Variants in TNR observed in about 807,000 individuals in gnomAD.
TNR encodes the protein tenascin R.
A neutral mutation model predicts 150.4 loss-of-function variants in TNR; 45 were observed. The observed-to-expected ratio is 0.30, with a 90% confidence interval of 0.24 to 0.38. The LOEUF (loss-of-function observed/expected upper bound fraction) is 0.38. Ranked by LOEUF, TNR falls within the 10% of genes least tolerant of loss-of-function variation. The pLI, the probability that TNR is intolerant of heterozygous loss-of-function variation, is 1.00. For synonymous variants in TNR, 687 were observed against 678.4 expected (o/e 1.01, Z -0.20); for missense variants, 1,544 against 1,759.1 (o/e 0.88, Z 2.19).
intron 2 of TNR, among the ~76,000 whole-genome samples, chr1:175,468,482 G>T (rs1657129574): frequency 6.6e-6 from 1 of 152,106 alleles, no homozygotes; most frequent in Non-Finnish European, 1.5e-5. Context: ...CATGCAATAT[G>T]GCTCCTGATC....
chr1:175,421,137 T>G (rs1218253595), intron 2 of TNR, among the ~76,000 whole-genome samples: 4 of 152,158 alleles, frequency 2.6e-5, no homozygotes, highest in Non-Finnish European at 5.9e-5. Flanking sequence ...GGGTTGAGTC[T>G]GCAGCTGAGG....
chr1:175,672,956 T>C (rs776344407), intron 1 of TNR, among the ~76,000 whole-genome samples: 1 of 152,172 alleles, frequency 6.6e-6, no homozygotes, highest in Non-Finnish European at 1.5e-5. Context: ...GGAAATGCCC[T>C]GCCACAGCGC....
At chr1:175,609,323 T>C (rs1241666319) in intron 1 of TNR, among the ~76,000 whole-genome samples, 2 of 152,222 alleles carry the variant, frequency 1.3e-5, no homozygotes, top group Non-Finnish European at 2.9e-5. Flanking sequence ...CACATTAGAA[T>C]GCTTGCCTAT....
intron 1 of TNR, among the ~76,000 whole-genome samples, chr1:175,644,372 A>G (rs1011055189): frequency 6.6e-6 from 1 of 152,202 alleles, no homozygotes; most frequent in Admixed American, 6.5e-5. Context: ...TGTGAGCTAT[A>G]TTATACCGCA....
At chr1:175,717,867 G>A (rs1667194777) in intron 1 of TNR, among the ~76,000 whole-genome samples, 1 of 152,104 alleles carries the variant, frequency 6.6e-6, no homozygotes, top group Non-Finnish European at 1.5e-5. Flanking sequence ...CACACACACA[G>A]CTAATAAATT....
At chr1:175,502,323 A>T (rs764096544) in intron 2 of TNR, among the ~76,000 whole-genome samples, 1 of 152,188 alleles carries the variant, frequency 6.6e-6, no homozygotes, top group Non-Finnish European at 1.5e-5. Context: ...TGGGGCAGAC[A>T]CATTGAACCC....
At chr1:175,737,944 G>C (rs1323487546) in intron 1 of TNR, among the ~76,000 whole-genome samples, 2 of 152,204 alleles carry the variant, frequency 1.3e-5, no homozygotes, top group East Asian at 3.9e-4. Context: ...GGTGAGGGCT[G>C]CACCTCTTCC....
At chr1:175,345,554 C>T (rs1650740090) in intron 18 of TNR, among the ~76,000 whole-genome samples, 1 of 151,900 alleles carries the variant, frequency 6.6e-6, no homozygotes, top group African/African-American at 2.4e-5. Context: ...AGTAAGAATA[C>T]AGCAGATAGG....
intron 1 of TNR, among the ~76,000 whole-genome samples, chr1:175,558,195 C>T (rs1224963217): frequency 1.4e-5 from 2 of 142,288 alleles, no homozygotes; most frequent in Non-Finnish European, 3.0e-5. Context: ...GTGGGTGCAG[C>T]GCACCAGCAT....
At chr1:175,695,714 A>T (rs1355604777) in intron 1 of TNR, among the ~76,000 whole-genome samples, 1 of 151,914 alleles carries the variant, frequency 6.6e-6, no homozygotes, top group African/African-American at 2.4e-5. Context: ...TTTTTCAGAG[A>T]AATCTTTTTT....
intron 2 of TNR, among the ~76,000 whole-genome samples, chr1:175,484,104 A>G (rs1383682986): frequency 6.6e-6 from 1 of 152,250 alleles, no homozygotes; most frequent in African/African-American, 2.4e-5. Context: ...AAGGTGCACA[A>G]TAAATAATTG....
intron 1 of TNR, among the ~76,000 whole-genome samples, chr1:175,694,464 GT>G (rs1226689097): frequency 6.6e-6 from 1 of 152,162 alleles, no homozygotes; most frequent in African/African-American, 2.4e-5. Flanking sequence ...GAATTTCACT[GT>G]TCACTGTCCA....
intron 2 of TNR, among the ~76,000 whole-genome samples, chr1:175,485,168 G>A (rs965504947): frequency 7.9e-5 from 12 of 152,070 alleles, no homozygotes; most frequent in Admixed American, 7.9e-4. Context: ...TGGCATTTCA[G>A]TCTCCAAGTG....
In TNR at chr1:175,358,314, T is replaced by TA. The variant is rs1406266421; in HGVS notation, c.2974+1297dup. Among the ~76,000 whole-genome samples the TA allele has an allele frequency of 2.6e-5, 4 of 152,322 alleles. No individual in the cohort carries two copies. In the East Asian group the frequency reaches 7.7e-4, roughly 29 times the overall value. On this transcript the variant is annotated intron_variant, in intron 15 of 22. Coordinates refer to ENST00000367674, the MANE Select transcript of TNR (RefSeq NM_003285.3). Reference sequence around the variant, plus strand: ...GTATTTTTCCATGTTAACTAAGGACTAAGTGATAAGTGGGGTTTTCTGATG... The same window carrying TA: ...GTATTTTTCCATGTTAACTAAGGACTAAAGTGATAAGTGGGGTTTTCTGATG...
chr1:175,504,071 A>G (rs1328896622), intron 2 of TNR, among the ~76,000 whole-genome samples: 1 of 152,140 alleles, frequency 6.6e-6, no homozygotes, highest in Non-Finnish European at 1.5e-5. Context: ...CTCTTCGAGG[A>G]TTCACACTTG....
chr1:175,380,276 G>A (rs1324776792), intron 8 of TNR, among the ~76,000 whole-genome samples: 2 of 152,160 alleles, frequency 1.3e-5, no homozygotes. Flanking sequence ...TCAGGCTTCC[G>A]TTTGATCCCC....
intron 2 of TNR, among the ~76,000 whole-genome samples, chr1:175,478,399 A>C (rs1178352501): frequency 1.3e-5 from 2 of 152,232 alleles, no homozygotes; most frequent in Non-Finnish European, 2.9e-5. Flanking sequence ...AGTGCAAGCC[A>C]GACACTGATT....
intron 1 of TNR, among the ~76,000 whole-genome samples, chr1:175,701,216 A>G (rs1558080732): frequency 6.6e-6 from 1 of 151,912 alleles, no homozygotes; most frequent in Non-Finnish European, 1.5e-5. Context: ...TTCCTTCCCT[A>G]GACGTACTCC....
chr1:175,389,543 A>G (rs1040870099), intron 7 of TNR, among the ~76,000 whole-genome samples: 12 of 152,226 alleles, frequency 7.9e-5, no homozygotes, highest in Admixed American at 6.5e-4. Flanking sequence ...CATTTGTCCA[A>G]TTACGTTTCT....
Sources: allele counts gnomAD v4.1 joint callset (sites outside exome capture counted in the v4.1 genomes callset), GRCh38; gene constraint gnomAD v4.1.1; transcripts MANE v1.5; gene names NCBI Gene and HGNC (gene_info 2026-07-23, HGNC 2026-07-21).